AMPD3: variants seen among roughly 807,000 people sequenced by gnomAD.
AMPD3 encodes adenosine monophosphate deaminase 3.
AMPD3 carries 57 observed loss-of-function variants against 82.3 expected under a neutral mutation model. The observed-to-expected ratio is 0.69, with a 90% CI of 0.56 to 0.86. AMPD3 has a LOEUF of 0.86. Ranked by LOEUF, AMPD3 falls within the 40% of genes least tolerant of loss-of-function variation. The pLI is 0.00. For missense variants in AMPD3, 870 were observed against 1,003.8 expected (o/e 0.87, Z 1.80); for synonymous variants, 381 against 394.7 (o/e 0.97, Z 0.41).
upstream of AMPD3, among the ~76,000 whole-genome samples, chr11:10,451,494 C>CA (rs1187648005): frequency 2.0e-5 from 3 of 152,220 alleles, no homozygotes; most frequent in African/African-American, 7.2e-5. Context: ...TCTCTCCCGG[C>CA]AAGGGAGGTG....
At chr11:10,486,392 GGTTCCATGCGGCT>G (rs1248872164) in intron 5 of AMPD3, among the ~76,000 whole-genome samples, 1 of 152,170 alleles carries the variant, frequency 6.6e-6, no homozygotes, top group Non-Finnish European at 1.5e-5. Flanking sequence ...TGTGGTCGAA[GGTTCCATGCGGCT>G]GTGGATGCAG....
Position 10,493,494 on chromosome 11 carries a change from T to C in AMPD3, c.1085T>C (p.Leu362Pro), listed in dbSNP as rs760768317. The change falls in exon 7 of 15, where the codon CTG becomes CCG. Residue 362 changes from leucine to proline, a missense_variant. Physicochemically the swap from Leu to Pro is moderately conservative, Grantham distance 98 (BLOSUM62 -3). Transcript: ENST00000396553. ...KITLRQVFDGLHMDPYDLTVD... is the reference protein window; with the variant it reads ...KITLRQVFDGPHMDPYDLTVD... The stretch of plus-strand genomic sequence containing the variant: ...ACCCTGCGGCAGGTGTTTGACGGCC[T>C]GCACATGGACCCCTACGACCTCACT... 1 of 1,614,218 alleles carries C rather than the reference T, an allele frequency of 6.2e-7. No homozygotes were observed. Among genetic ancestry groups the C allele is most frequent in the Non-Finnish European group, 8.5e-7 (1 of 1,180,036 alleles).
chr11:10,451,997 G>A (rs1206137733), upstream of AMPD3, among the ~76,000 whole-genome samples: 2 of 152,168 alleles, frequency 1.3e-5, no homozygotes, highest in Non-Finnish European at 2.9e-5. Flanking sequence ...GCTTCATGGG[G>A]CCTGGCTTGC....
chr11:10,477,799 T>G, intron 2 of AMPD3: 1 of 877,272 alleles, frequency 1.1e-6, no homozygotes, highest in Non-Finnish European at 1.4e-6. Context: ...CCGTGTGACT[T>G]TGTGCCAGCC....
chr11:10,488,550 G>A (rs1354669298), intron 6 of AMPD3: 1 of 473,844 alleles, frequency 2.1e-6, no homozygotes, highest in East Asian at 1.6e-4. Context: ...TGGGAGCGGG[G>A]AGCAGCGGGT....
intron 1 of AMPD3, among the ~76,000 whole-genome samples, chr11:10,459,320 T>C (rs1848191007): frequency 6.6e-6 from 1 of 152,144 alleles, no homozygotes; most frequent in African/African-American, 2.4e-5. Context: ...CATGACTTAG[T>C]CCCACATGCC....
At chr11:10,460,645 G>A (rs1848242717) in intron 1 of AMPD3, among the ~76,000 whole-genome samples, 1 of 152,134 alleles carries the variant, frequency 6.6e-6, no homozygotes, top group African/African-American at 2.4e-5. Flanking sequence ...CTGACCTCAG[G>A]TGATCTGCCC....
chr11:10,460,449 C>T (rs1848235832), intron 1 of AMPD3, among the ~76,000 whole-genome samples: 1 of 149,862 alleles, frequency 6.7e-6, no homozygotes, highest in African/African-American at 2.5e-5. Context: ...CTCTGTTACC[C>T]AGGTTGGAGT....
upstream of AMPD3, chr11:10,451,026 C>T (rs1170820712): frequency 8.2e-6 from 13 of 1,583,184 alleles, no homozygotes; most frequent in Non-Finnish European, 1.1e-5. Context: ...GGCGGCATGG[C>T]CCTGTCGTCC....
rs199953746 is a variant in AMPD3, at chr11:10,461,732, C to T, written c.213C>T (p.Thr71=). The change falls in exon 2 of 15, where the codon ACC becomes ACT. Residue 71 remains threonine (T), a synonymous_variant. Transcript: ENST00000396553. The part of the protein sequence containing the change: ...KELAEQKSVE[T]AKRKKSFKMI... ...TGGCAGAGCAGAAGTCTGTGGAGAC[C>T]GCAAAAAGGTTTGTTCCCAAGGCAT... is the stretch of plus-strand genomic sequence containing the variant. 6.6e-5 allele frequency: 107 copies of T among 1,610,210 alleles called. No homozygotes were observed. Among genetic ancestry groups the T allele is most frequent in the Middle Eastern group, 3.3e-4 (2 of 6,054 alleles).
chr11:10,459,425 A>G (rs1421355423), intron 1 of AMPD3, among the ~76,000 whole-genome samples: 1 of 152,166 alleles, frequency 6.6e-6, no homozygotes, highest in Non-Finnish European at 1.5e-5. Flanking sequence ...CTTAGAGACC[A>G]CTTAGTTCAA....
intron 12 of AMPD3, chr11:10,501,794 A>C: frequency 5.1e-6 from 5 of 985,012 alleles, no homozygotes; most frequent in Non-Finnish European, 6.0e-6. Context: ...AATGGAAAAA[A>C]GCCAGCCCTT....
At chr11:10,450,852 G>C (rs1392779364), upstream of AMPD3, 26 of 1,202,042 alleles carry the variant, frequency 2.2e-5, no homozygotes, top group South Asian at 4.0e-5. Context: ...CCTCCTGGCC[G>C]GGGATCCGCA....
chr11:10,497,770 G>C (rs973415208), intron 10 of AMPD3: 16 of 985,152 alleles, frequency 1.6e-5, no homozygotes, highest in African/African-American at 5.2e-5. Context: ...GGAGACAGGA[G>C]GGGAGCTTGA....
At chr11:10,476,534 C>A (rs1848743955) in intron 2 of AMPD3, among the ~76,000 whole-genome samples, 1 of 151,466 alleles carries the variant, frequency 6.6e-6, no homozygotes, top group Non-Finnish European at 1.5e-5. Context: ...CCTTAGATGT[C>A]ACCTGTTGCT....
chr11:10,478,479 C>T (rs949348448), intron 2 of AMPD3, 47 bp from the exon 3 acceptor site: 7 of 1,608,670 alleles, frequency 4.4e-6, no homozygotes, highest in Non-Finnish European at 5.1e-6. Flanking sequence ...TCACTCACCC[C>T]AATTAGCTTC....
At chr11:10,503,832 A>G (rs74441114) in intron 13 of AMPD3, 31,553 of 327,778 alleles carry the variant, frequency 0.096, 1,704 homozygotes, top group South Asian at 0.26. Context: ...ATCTTGCCTC[A>G]TGAAAATACA....
chr11:10,487,205 C>G, intron 5 of AMPD3, 30 bp from the exon 6 acceptor site: 1 of 1,613,718 alleles, frequency 6.2e-7, no homozygotes, highest in Non-Finnish European at 8.5e-7. Context: ...TGCGACTCAA[C>G]TATGGTCTCT....
intron 1 of AMPD3, among the ~76,000 whole-genome samples, chr11:10,457,548 A>G (rs1848133703): frequency 6.6e-6 from 1 of 152,166 alleles, no homozygotes; most frequent in Non-Finnish European, 1.5e-5. Flanking sequence ...AAAGGAAGAT[A>G]TGTTATAGAA....
Sources: allele counts gnomAD v4.1 joint callset (sites outside exome capture counted in the v4.1 genomes callset), GRCh38; gene constraint gnomAD v4.1.1; transcripts MANE v1.5; gene names NCBI Gene and HGNC (gene_info 2026-07-23, HGNC 2026-07-21).